WDPCP: variants seen among roughly 807,000 people sequenced by gnomAD.
WDPCP encodes the protein WD repeat containing planar cell polarity effector, also known as WD repeat-containing and planar cell polarity effector protein fritz homolog.
Under a neutral mutation model 93.1 loss-of-function variants are expected in WDPCP, and 71 were observed. The observed-to-expected ratio is 0.76, with a 90% CI of 0.63 to 0.93. The LOEUF is 0.93. Among genes scored for constraint, WDPCP ranks in the 40% least tolerant of loss-of-function variants. The pLI is 0.00. For synonymous variants in WDPCP, 315 were observed against 315.0 expected (o/e 1.00, Z 0.00); for missense variants, 844 against 887.4 (o/e 0.95, Z 0.62).
intron 13 of WDPCP, among the ~76,000 whole-genome samples, chr2:63,287,131 G>T (rs2104981268): frequency 6.6e-6 from 1 of 152,196 alleles, no homozygotes; most frequent in East Asian, 1.9e-4. Flanking sequence ...TTCTTGTAAG[G>T]ACACCAGTCA....
At chr2:63,801,927 C>T (rs191843960) in intron 2 of WDPCP, among the ~76,000 whole-genome samples, 2 of 152,236 alleles carry the variant, frequency 1.3e-5, no homozygotes, top group Admixed American at 1.3e-4. Flanking sequence ...ATGCCATATT[C>T]TATCTGTAAG....
At chr2:63,217,638 A>G (rs1490714802) in intron 14 of WDPCP, among the ~76,000 whole-genome samples, 1 of 152,196 alleles carries the variant, frequency 6.6e-6, no homozygotes, top group Admixed American at 6.5e-5. Context: ...TTTACCTCTC[A>G]GCTGTCATCT....
chr2:63,494,643 A>G (rs1038456023), intron 1 of WDPCP, among the ~76,000 whole-genome samples: 5 of 152,226 alleles, frequency 3.3e-5, no homozygotes, highest in South Asian at 2.1e-4. Flanking sequence ...TGACCCGGCC[A>G]GGCGCGGTGG....
At chr2:63,751,113 T>C (rs969713764) in intron 2 of WDPCP, among the ~76,000 whole-genome samples, 5 of 152,186 alleles carry the variant, frequency 3.3e-5, no homozygotes, top group Non-Finnish European at 5.9e-5. Context: ...GTGGAATTTT[T>C]TGACAATAAA....
chr2:63,741,158 G>A (rs1346737863), intron 2 of WDPCP, among the ~76,000 whole-genome samples: 3 of 152,138 alleles, frequency 2.0e-5, no homozygotes, highest in Non-Finnish European at 4.4e-5. Context: ...CTAACAATCA[G>A]TAACAAATTT....
intron 14 of WDPCP, among the ~76,000 whole-genome samples, chr2:63,205,748 T>C (rs1676290124): frequency 6.6e-6 from 1 of 152,206 alleles, no homozygotes; most frequent in Non-Finnish European, 1.5e-5. Context: ...TTTTTTCAAG[T>C]GTAAGATCAT....
chr2:63,450,399 A>C (rs1399318233), intron 6 of WDPCP, among the ~76,000 whole-genome samples: 1 of 152,140 alleles, frequency 6.6e-6, no homozygotes, highest in African/African-American at 2.4e-5. Context: ...ACCACCCAGG[A>C]CCGAAAGAGT....
chr2:63,471,753 T>G (rs1575483158), intron 6 of WDPCP, among the ~76,000 whole-genome samples: 1 of 152,328 alleles, frequency 6.6e-6, no homozygotes, highest in East Asian at 1.9e-4. Context: ...ACAGTCATTC[T>G]AAAACTTTGT....
chr2:63,513,444 T>C (rs866351860), intron 1 of WDPCP, among the ~76,000 whole-genome samples: 3 of 152,076 alleles, frequency 2.0e-5, no homozygotes, highest in Non-Finnish European at 2.9e-5. Flanking sequence ...CACTCTGGCA[T>C]GCTGAGCACT....
At position 63,121,726 on chromosome 2, in the gene WDPCP, T is replaced by C. The variant is rs1669559878; in HGVS notation, c.*280A>G. 2 of 641,942 alleles carry C rather than the reference T, an allele frequency of 3.1e-6. No individual in the cohort carries two copies. The highest frequency in any genetic ancestry group is 4.1e-5 in the Admixed American group (1 of 24,520). 39.8% of individuals were successfully genotyped at this position (641,942 alleles called of 1,614,324 possible). The stretch of plus-strand genomic sequence containing the variant: ...ACAAAGTTTAAATATTCTATTTTTG[T>C]AGCACCTAATTAACATACAATTTAA... On this transcript the variant is annotated 3_prime_UTR_variant, in exon 18 of 18. Coordinates refer to ENST00000272321, the MANE Select transcript of WDPCP (RefSeq NM_015910.7).
At chr2:63,324,706 G>A (rs377145419) in intron 12 of WDPCP, among the ~76,000 whole-genome samples, 13 of 152,296 alleles carry the variant, frequency 8.5e-5, no homozygotes, top group East Asian at 7.7e-4. Flanking sequence ...TAAAATGACA[G>A]CCAAAGAAAG....
chr2:63,431,252 C>T (rs1696740194), intron 9 of WDPCP, among the ~76,000 whole-genome samples: 1 of 151,984 alleles, frequency 6.6e-6, no homozygotes, highest in African/African-American at 2.4e-5. Flanking sequence ...ATACTCCCTC[C>T]CCTCCAGAGA....
chr2:63,500,454 G>GGGTGTGTGT (rs1553412905), intron 1 of WDPCP, among the ~76,000 whole-genome samples: 2 of 149,474 alleles, frequency 1.3e-5, no homozygotes, highest in Admixed American at 1.3e-4. Flanking sequence ...ATGGTGTGGG[G>GGGTGTGTGT]GTGTGTGTGT....
rs1168426774 is a variant in WDPCP at position 63,701,246 on chromosome 2, TA to T, written n.309-50409del. Among the ~76,000 whole-genome samples, 13 of 150,928 alleles carry T rather than the reference TA, an allele frequency of 8.6e-5. No homozygotes were observed. The South Asian group carries it at 1.9e-3, about 22-fold the overall frequency. Reference sequence around the variant, plus strand: ...GACATATAAATGACCAATAAGAATATAAAAAAAAATGCTCAACATTGCTAGT... The same window carrying T: ...GACATATAAATGACCAATAAGAATATAAAAAAAATGCTCAACATTGCTAGT... On this transcript the variant is annotated intron_variant and non_coding_transcript_variant, in intron 2 of 4. Coordinates refer to the WDPCP transcript ENST00000467687.
At chr2:63,661,216 A>G (rs1710222134) in intron 2 of WDPCP, among the ~76,000 whole-genome samples, 1 of 152,228 alleles carries the variant, frequency 6.6e-6, no homozygotes, top group Non-Finnish European at 1.5e-5. Flanking sequence ...TGAAAGTGTC[A>G]TCTGGGAACA....
chr2:63,226,187 A>T (rs991661694), intron 14 of WDPCP, among the ~76,000 whole-genome samples: 4 of 151,920 alleles, frequency 2.6e-5, no homozygotes, highest in African/African-American at 9.7e-5. Context: ...TGAGGAAAAC[A>T]TAATTTTATT....
intron 12 of WDPCP, among the ~76,000 whole-genome samples, chr2:63,315,029 C>G (rs1686527433): frequency 6.6e-6 from 1 of 152,004 alleles, no homozygotes; most frequent in Non-Finnish European, 1.5e-5. Flanking sequence ...CATGGTGAAA[C>G]AGAAATAACA....
At chr2:63,428,876 C>A (rs761436509) in intron 9 of WDPCP, among the ~76,000 whole-genome samples, 5 of 152,154 alleles carry the variant, frequency 3.3e-5, no homozygotes, top group Non-Finnish European at 7.3e-5. Context: ...CGAAATACTG[C>A]TGAAAGAAAT....
chr2:63,671,642 A>G (rs1427845960), intron 2 of WDPCP, among the ~76,000 whole-genome samples: 1 of 151,686 alleles, frequency 6.6e-6, no homozygotes, highest in Non-Finnish European at 1.5e-5. Flanking sequence ...CCACCTCCCA[A>G]GTTCAAGTGA....
Sources: gnomAD v4.1 joint callset for allele counts (sites outside exome capture counted in the v4.1 genomes callset) on GRCh38, gnomAD v4.1.1 for gene constraint, MANE v1.5 for transcripts, NCBI Gene and HGNC (gene_info 2026-07-23, HGNC 2026-07-21) for gene names.